Variants in NRG4 observed in about 807,000 individuals in gnomAD.
NRG4 encodes the protein pro-neuregulin-4, membrane-bound isoform.
A neutral mutation model predicts 15.0 loss-of-function variants in NRG4; 10 were observed. The observed-to-expected ratio is 0.67, with a 90% CI of 0.41 to 1.13. The LOEUF is 1.13. NRG4 is among the 50% of genes most tolerant of loss of function. The pLI is 0.00. For missense variants in NRG4, 139 were observed against 140.2 expected, an observed-to-expected ratio of 0.99 and a Z score of 0.04; for synonymous variants, 41 against 50.1, an observed-to-expected ratio of 0.82 and a Z score of 0.77.
At chr15:76,022,931 A>G (rs1357753971) in intron 5 of NRG4, among the ~76,000 whole-genome samples, 1 of 152,142 alleles carries the variant, frequency 6.6e-6, no homozygotes, top group Non-Finnish European at 1.5e-5. Flanking sequence ...AATTAGGACA[A>G]AGAGAAAGAT....
intron 3 of NRG4, among the ~76,000 whole-genome samples, chr15:75,975,368 T>C (rs1366993673): frequency 2.0e-5 from 3 of 152,226 alleles, no homozygotes; most frequent in African/African-American, 7.2e-5. Context: ...AATATTGTTA[T>C]GTGTGGATTT....
At chr15:76,022,201 G>A (rs2454212) in intron 5 of NRG4, among the ~76,000 whole-genome samples, 9,762 of 152,080 alleles carry the variant, frequency 0.064, 673 homozygotes, top group African/African-American at 0.18. Context: ...TGATCTTTAA[G>A]AACTATTTTT....
chr15:75,984,148 T>C (rs1284815706), intron 3 of NRG4, among the ~76,000 whole-genome samples: 17 of 152,160 alleles, frequency 1.1e-4, no homozygotes, highest in African/African-American at 2.9e-4. Flanking sequence ...TACAGACCCA[T>C]AGAATGTACA....
chr15:76,043,154 C>T (rs1410704911), intron 4 of NRG4, among the ~76,000 whole-genome samples: 1 of 152,200 alleles, frequency 6.6e-6, no homozygotes, highest in East Asian at 1.9e-4. Flanking sequence ...CATAATTCAA[C>T]ATAATAAAAG....
intron 2 of NRG4, among the ~76,000 whole-genome samples, chr15:76,010,674 C>G (rs916613759): frequency 2.0e-5 from 3 of 151,972 alleles, no homozygotes; most frequent in African/African-American, 7.2e-5. Flanking sequence ...TCTTCGTAAT[C>G]AAACAACTTT....
At position 75,943,434 on chromosome 15, in the gene NRG4, C is replaced by G; in HGVS notation, c.*204G>C. The G allele has an allele frequency of 1.8e-6, 1 of 552,520 alleles. No homozygotes were observed. Among genetic ancestry groups the G allele is most frequent in the Non-Finnish European group, 3.2e-6 (1 of 313,630 alleles). 34.2% of individuals were successfully genotyped at this position (552,520 alleles called of 1,614,324 possible). On this transcript the variant is annotated 3_prime_UTR_variant, in exon 6 of 6. Transcript: ENST00000394907. ...CTTCGAATTATACTGGTATCACCCC[C>G]TACTTAGCAGTTGCCGATGGACTGA... is the stretch of plus-strand genomic sequence containing the variant.
At chr15:75,969,601 G>GAGC (rs2032997001) in intron 3 of NRG4, among the ~76,000 whole-genome samples, 1 of 152,204 alleles carries the variant, frequency 6.6e-6, no homozygotes, top group African/African-American at 2.4e-5. Context: ...AGACCTAAGA[G>GAGC]AGCAGGTACG....
chr15:75,955,011 AT>A (rs2032149862), intron 5 of NRG4, among the ~76,000 whole-genome samples: 1 of 152,100 alleles, frequency 6.6e-6, no homozygotes, highest in African/African-American at 2.4e-5. Flanking sequence ...CCCGTGAATA[AT>A]GAGGTTTCCA....
chr15:76,018,404 G>T (rs1034772501), intron 5 of NRG4, among the ~76,000 whole-genome samples: 1 of 152,156 alleles, frequency 6.6e-6, no homozygotes, highest in Admixed American at 6.5e-5. Context: ...AGTAGAAGAG[G>T]CGTTCTGGGT....
chr15:75,944,621 G>A (rs1397144657), intron 5 of NRG4, among the ~76,000 whole-genome samples: 5 of 152,126 alleles, frequency 3.3e-5, no homozygotes, highest in Admixed American at 2.0e-4. Flanking sequence ...AAAATATAAT[G>A]TACCTTTATG....
intron 5 of NRG4, among the ~76,000 whole-genome samples, chr15:75,946,863 T>G (rs2031558468): frequency 6.6e-6 from 1 of 152,248 alleles, no homozygotes; most frequent in African/African-American, 2.4e-5. Context: ...GATTCACCTA[T>G]GTTGTGGCAT....
intron 3 of NRG4, among the ~76,000 whole-genome samples, chr15:75,963,155 C>A (rs1254266911): frequency 6.6e-6 from 1 of 152,074 alleles, no homozygotes; most frequent in Non-Finnish European, 1.5e-5. Flanking sequence ...GTTAGATGAG[C>A]ATATTAAAGA....
chr15:75,936,534 A>C (rs1451997569), downstream of NRG4: 2 of 152,236 alleles, frequency 1.3e-5, no homozygotes, highest in Non-Finnish European at 2.9e-5. Context: ...ACAAAGTAGG[A>C]AACTGGCAGA....
chr15:75,997,131 A>T (rs1243832736), intron 3 of NRG4, among the ~76,000 whole-genome samples: 1 of 152,154 alleles, frequency 6.6e-6, no homozygotes, highest in African/African-American at 2.4e-5. Flanking sequence ...TGTAAACTAA[A>T]TAAGGGCAAA....
intron 5 of NRG4, among the ~76,000 whole-genome samples, chr15:76,022,514 T>C (rs1409776422): frequency 6.6e-6 from 1 of 151,632 alleles, no homozygotes; most frequent in Non-Finnish European, 1.5e-5. Context: ...TGAATAAGAG[T>C]TTGTAAACAG....
At chr15:75,959,138 C>A (rs1372446545) in intron 4 of NRG4, 2 of 419,642 alleles carry the variant, frequency 4.8e-6, no homozygotes, top group Admixed American at 2.6e-5. Flanking sequence ...TGTGTTACCA[C>A]ACCTGGATAA....
intron 3 of NRG4, among the ~76,000 whole-genome samples, chr15:75,966,751 T>A (rs1462436867): frequency 6.6e-6 from 1 of 152,040 alleles, no homozygotes; most frequent in Non-Finnish European, 1.5e-5. Flanking sequence ...TTGCAACTCA[T>A]GAAAAATGGA....
At chr15:75,996,633 C>T (rs746804227) in intron 3 of NRG4, among the ~76,000 whole-genome samples, 26 of 152,004 alleles carry the variant, frequency 1.7e-4, no homozygotes, top group Non-Finnish European at 2.1e-4. Flanking sequence ...CTATTTGTAA[C>T]CATTTATTTT....
intron 3 of NRG4, among the ~76,000 whole-genome samples, chr15:75,998,080 C>T (rs942047282): frequency 2.6e-5 from 4 of 152,036 alleles, no homozygotes; most frequent in East Asian, 1.9e-4. Context: ...ATGTGAAACC[C>T]GAGAGAATTA....
Sources: allele counts gnomAD v4.1 joint callset (sites outside exome capture counted in the v4.1 genomes callset), GRCh38; gene constraint gnomAD v4.1.1; transcripts MANE v1.5; gene names NCBI Gene and HGNC (gene_info 2026-07-23, HGNC 2026-07-21).